ENTPD7: variants seen among roughly 807,000 people sequenced by gnomAD.
ENTPD7 encodes ectonucleoside triphosphate diphosphohydrolase 7.
ENTPD7 carries 53 observed loss-of-function variants against 77.9 expected under a neutral mutation model. That is an observed-to-expected ratio of 0.68 (90% CI 0.55 to 0.85). The LOEUF is 0.85. Ranked by LOEUF, ENTPD7 falls within the 40% of genes least tolerant of loss-of-function variation. The pLI is 0.00. For synonymous variants in ENTPD7, 248 were observed against 274.9 expected (o/e 0.90, Z 0.97); for missense variants, 636 against 743.7 (o/e 0.86, Z 1.68).
chr10:99,680,758 T>C (rs2035742728), intron 5 of ENTPD7, among the ~76,000 whole-genome samples: 2 of 152,078 alleles, frequency 1.3e-5, no homozygotes, highest in Admixed American at 1.3e-4. Flanking sequence ...AGCTAATTTT[T>C]GTGGAGCCAG....
At position 99,708,608 on chromosome 10, in the gene ENTPD7, C is replaced by G. The variant is rs2133543378; in HGVS notation, c.*3925C>G. On this transcript the variant is annotated 3_prime_UTR_variant, in exon 13 of 13. Coordinates refer to ENST00000370489, the MANE Select transcript of ENTPD7 (RefSeq NM_020354.5). ...ATGATTTTGGGAAGAGCATTTTGTC[C>G]TTTGGTTTAGAAGACCAGGCTGCCC... 1 of 157,342 alleles carries G rather than the reference C, an allele frequency of 6.4e-6. No homozygotes were observed. The highest frequency in any genetic ancestry group is 1.9e-4 in the East Asian group (1 of 5,216). 9.7% of individuals were successfully genotyped at this position (157,342 alleles called of 1,614,324 possible).
At chr10:99,669,910 C>A (rs2035600206) in intron 3 of ENTPD7, among the ~76,000 whole-genome samples, 1 of 151,722 alleles carries the variant, frequency 6.6e-6, no homozygotes, top group African/African-American at 2.4e-5. Flanking sequence ...CCACCAGGCC[C>A]AGCTAATTTT....
In ENTPD7 at chr10:99,704,646, A is replaced by T; in HGVS notation, c.1778A>T (p.Glu593Val). 6.2e-7 allele frequency: 1 copy of T among 1,613,924 alleles called. No homozygotes were observed. Residue 593 changes from glutamate (E) to valine (V), a missense_variant, in exon 13 of 13, where the codon GAG becomes GTG. Physicochemically the swap from Glu to Val is moderately radical, Grantham distance 121. This residue lies in a region of ENTPD7 where 138 missense variants were observed against 150.9 expected (regional missense o/e 0.91). Transcript: ENST00000370489. ...SAPLDLLWLE[E>V]VVPMMGVQVG... ...CCATTGGACTTGCTGTGGCTTGAAG[A>T]GGTGGTGCCCATGATGGGAGTACAG...
rs2035456192 is a variant in ENTPD7, at chr10:99,659,967, A to G, written c.8+3A>G. On this transcript the variant is annotated splice_donor_region_variant and intron_variant, in intron 2 of 12. Coordinates refer to ENST00000370489, the MANE Select transcript of ENTPD7 (RefSeq NM_020354.5). This position sits in a 1 kb window ranked among gnomAD's most constrained non-coding sequence, Gnocchi z 4.1. ...CACCGAAGGGAACCCATGGCTAGGT[A>G]AGGCTGCACACTTTCCCTCCGGCTG... 1 of 1,613,824 alleles carries G rather than the reference A, an allele frequency of 6.2e-7. No individual in the cohort carries two copies. The highest frequency in any genetic ancestry group is 1.7e-5 in the Admixed American group (1 of 59,998).
intron 3 of ENTPD7, among the ~76,000 whole-genome samples, chr10:99,668,444 C>T (rs2133443797): frequency 6.6e-6 from 1 of 152,202 alleles, no homozygotes; most frequent in East Asian, 1.9e-4. Flanking sequence ...AGTTAATCAG[C>T]CCATCATTTG....
At chr10:99,671,817 T>C (rs947646962) in intron 3 of ENTPD7, among the ~76,000 whole-genome samples, 20 of 152,246 alleles carry the variant, frequency 1.3e-4, no homozygotes, top group African/African-American at 4.3e-4. Context: ...TGAAAGGTGG[T>C]GCCTTCATGT....
At chr10:99,661,063 T>A (rs1564625445) in intron 2 of ENTPD7, among the ~76,000 whole-genome samples, 1 of 152,248 alleles carries the variant, frequency 6.6e-6, no homozygotes, top group South Asian at 2.1e-4. Flanking sequence ...TATAATCTGG[T>A]AAAACATTTT....
intron 3 of ENTPD7, among the ~76,000 whole-genome samples, chr10:99,667,223 A>G (rs1031187603): frequency 5.9e-5 from 9 of 152,198 alleles, no homozygotes; most frequent in African/African-American, 1.9e-4. Flanking sequence ...GGTTCTGTAT[A>G]TATTGCCACA....
At chr10:99,673,102 T>G (rs539045934) in intron 3 of ENTPD7, among the ~76,000 whole-genome samples, 1 of 151,772 alleles carries the variant, frequency 6.6e-6, no homozygotes, top group South Asian at 2.1e-4. Context: ...ACAGAGGAGG[T>G]GTGTGTGTGG....
chr10:99,675,733 A>T (rs984858962), intron 3 of ENTPD7, among the ~76,000 whole-genome samples: 1 of 151,224 alleles, frequency 6.6e-6, no homozygotes, highest in Non-Finnish European at 1.5e-5. Flanking sequence ...AGTAGCTGGG[A>T]CTACAGGCGC....
chr10:99,696,510 A>C (rs1302286448), intron 9 of ENTPD7, among the ~76,000 whole-genome samples: 1 of 152,252 alleles, frequency 6.6e-6, no homozygotes, highest in African/African-American at 2.4e-5. Context: ...GTGCAGTTGC[A>C]TCTTTTGTGA....
intron 3 of ENTPD7, among the ~76,000 whole-genome samples, chr10:99,667,996 A>G (rs530249807): frequency 8.0e-6 from 1 of 125,310 alleles, no homozygotes; most frequent in South Asian, 2.6e-4. Flanking sequence ...GTGCAGTGGC[A>G]TGATCTCAGC....
At chr10:99,702,847 A>G (rs777586940) in intron 12 of ENTPD7, among the ~76,000 whole-genome samples, 174 bp downstream of exon 12, 1 of 152,000 alleles carries the variant, frequency 6.6e-6, no homozygotes, top group African/African-American at 2.4e-5. Context: ...CACTGTTACT[A>G]CCAGGCATGC....
Position 99,704,503 on chromosome 10 carries a change from C to G in ENTPD7, c.1635C>G (p.Leu545=). 4.3e-6 allele frequency: 7 copies of G among 1,614,218 alleles called. No homozygotes were observed. The highest frequency in any genetic ancestry group is 5.1e-6 in the Non-Finnish European group (6 of 1,180,034). ...AAGCCCATGGTAGCTGGTTCCGTCT[C>G]TCCTTTGTATACAACCACTATCTCT... ...VRQAHGSWFR[L]SFVYNHYLFF... Residue 545 remains leucine (L), a synonymous_variant, in exon 13 of 13, where the codon CTC becomes CTG. Transcript: ENST00000370489.
intron 5 of ENTPD7, among the ~76,000 whole-genome samples, chr10:99,684,798 AT>A (rs1450347140): frequency 6.6e-6 from 1 of 152,210 alleles, no homozygotes; most frequent in Non-Finnish European, 1.5e-5. Context: ...CATGCTTAAA[AT>A]GTTAGAGGAA....
intron 10 of ENTPD7, among the ~76,000 whole-genome samples, chr10:99,700,306 C>G (rs920170797): frequency 6.6e-6 from 1 of 152,082 alleles, no homozygotes; most frequent in Non-Finnish European, 1.5e-5. Context: ...TCTGGGACCA[C>G]TCTATCCAAA....
rs2035722638 is a variant in ENTPD7 at position 99,679,331 on chromosome 10, G to A, written c.262G>A (p.Val88Ile). 6 of 1,614,174 alleles carry A rather than the reference G, an allele frequency of 3.7e-6. No individual in the cohort carries two copies. The highest frequency in any genetic ancestry group is 5.1e-6 in the Non-Finnish European group (6 of 1,180,036). ...EDPNLNYGLV[V>I]DCGSSGSRIF... ...CCCAAATCTGAATTATGGACTTGTT[G>A]TTGACTGTGGCAGCAGTGGTTCCCG... is the stretch of plus-strand genomic sequence containing the variant. Residue 88 changes from valine (V) to isoleucine (I), a missense_variant, in exon 4 of 13, where the codon GTT becomes ATT. Val to Ile is a conservative substitution (Grantham distance 29, BLOSUM62 3). Coordinates refer to ENST00000370489, the MANE Select transcript of ENTPD7 (RefSeq NM_020354.5).
intron 3 of ENTPD7, among the ~76,000 whole-genome samples, chr10:99,662,214 G>T (rs1327597952): frequency 1.3e-5 from 2 of 152,074 alleles, no homozygotes; most frequent in African/African-American, 4.8e-5. Context: ...ATCTTGCTAT[G>T]TGTTTTTCAT....
chr10:99,710,986 G>A lies in ENTPD7; in HGVS notation c.*6303G>A. On this transcript the variant is annotated 3_prime_UTR_variant, in exon 13 of 13. Transcript: ENST00000370489. ...TAATCCTATAGGTATGTGATGACTT[G>A]TTTTTTTGGAAAAAGGTATTTGGAA... 1 of 984,966 alleles carries A rather than the reference G, an allele frequency of 1.0e-6. No individual in the cohort carries two copies. The highest frequency in any genetic ancestry group is 1.2e-6 in the Non-Finnish European group (1 of 829,708). The allele number at this position is 984,966 out of a possible 1,614,324, so 61.0% of individuals were successfully genotyped here.
Sources: gnomAD v4.1 joint callset for allele counts (sites outside exome capture counted in the v4.1 genomes callset) on GRCh38, gnomAD v4.1.1 for gene constraint, gnomAD v4.1.1 regional missense constraint, Gnocchi (gnomAD v3.1) non-coding constraint, MANE v1.5 for transcripts, NCBI Gene and HGNC (gene_info 2026-07-23, HGNC 2026-07-21) for gene names.